The following CEP112 variants were observed in gnomAD, a reference collection of about 807,000 sequenced individuals.
CEP112 encodes the protein centrosomal protein of 112 kDa.
In CEP112, 127 loss-of-function variants were observed where a neutral mutation model predicts 153.0. The ratio of observed to expected loss-of-function variants is 0.83; its 90% CI spans 0.72 to 0.96. CEP112 has a LOEUF of 0.96. Among genes scored for constraint, CEP112 ranks in the 40% least tolerant of loss-of-function variants. CEP112 has a pLI of 0.00. For synonymous variants in CEP112, 358 were observed against 374.4 expected (o/e 0.96, Z 0.51); for missense variants, 1,089 against 1,101.2 (o/e 0.99, Z 0.16).
chr17:65,934,929 C>A (rs376445718), intron 18 of CEP112, among the ~76,000 whole-genome samples: 2 of 152,172 alleles, frequency 1.3e-5, no homozygotes, highest in African/African-American at 2.4e-5. Context: ...CACAGGGCAA[C>A]AGGACAGAGT....
chr17:65,955,731 C>T (rs1001781912), intron 18 of CEP112, among the ~76,000 whole-genome samples: 1 of 152,114 alleles, frequency 6.6e-6, no homozygotes, highest in Non-Finnish European at 1.5e-5. Context: ...AACTTTAAAG[C>T]AACTGCAGTT....
intron 21 of CEP112, among the ~76,000 whole-genome samples, chr17:65,800,965 G>T (rs1409163056): frequency 6.6e-6 from 1 of 152,088 alleles, no homozygotes; most frequent in Non-Finnish European, 1.5e-5. Flanking sequence ...GTTGTATTAT[G>T]TCTTTTTGTT....
chr17:66,110,965 T>C (rs1342555798), intron 6 of CEP112, among the ~76,000 whole-genome samples: 1 of 152,094 alleles, frequency 6.6e-6, no homozygotes, highest in Non-Finnish European at 1.5e-5. Flanking sequence ...TGCATCTGAC[T>C]AGGGTCTAAT....
intron 23 of CEP112, among the ~76,000 whole-genome samples, chr17:65,739,065 A>G (rs554599129): frequency 6.6e-6 from 1 of 152,284 alleles, no homozygotes; most frequent in Non-Finnish European, 1.5e-5. Context: ...CCTTTTAATT[A>G]TTTCTCTTTG....
intron 21 of CEP112, among the ~76,000 whole-genome samples, chr17:65,834,749 G>A (rs2057233120): frequency 6.6e-6 from 1 of 152,180 alleles, no homozygotes; most frequent in Non-Finnish European, 1.5e-5. Context: ...CTGTCTGTGG[G>A]AGTGTAAATT....
chr17:66,187,641 C>T (rs944083396), intron 1 of CEP112, among the ~76,000 whole-genome samples: 1 of 152,194 alleles, frequency 6.6e-6, no homozygotes. Context: ...AGTGCTCTTT[C>T]CTTAGTCTCC....
intron 17 of CEP112, among the ~76,000 whole-genome samples, chr17:65,989,745 G>A (rs556192062): frequency 1.8e-4 from 27 of 152,262 alleles, no homozygotes; most frequent in African/African-American, 5.3e-4. Flanking sequence ...TAACTGTGCT[G>A]TGCAATTCAC....
intron 5 of CEP112, among the ~76,000 whole-genome samples, chr17:66,131,831 A>G (rs987890439): frequency 1.3e-5 from 2 of 152,244 alleles, no homozygotes; most frequent in Non-Finnish European, 1.5e-5. Context: ...AGCCAGAGTT[A>G]GGCAATAAAG....
chr17:65,745,092 C>G (rs180994509), intron 22 of CEP112, among the ~76,000 whole-genome samples: 92 of 152,260 alleles, frequency 6.0e-4, no homozygotes, highest in Admixed American at 3.2e-3. Context: ...CTAGTTGTTA[C>G]TACTGACATA....
intron 18 of CEP112, among the ~76,000 whole-genome samples, chr17:65,943,463 C>T (rs2061561739): frequency 6.6e-6 from 1 of 152,200 alleles, no homozygotes; most frequent in African/African-American, 2.4e-5. Context: ...TTCTCCTTCA[C>T]TTATGAAGCT....
At chr17:66,022,099 C>T (rs1297228250) in intron 16 of CEP112, among the ~76,000 whole-genome samples, 1 of 152,114 alleles carries the variant, frequency 6.6e-6, no homozygotes, top group East Asian at 1.9e-4. Context: ...GCTTACCTTC[C>T]AGGTACACCA....
At chr17:65,865,179 T>C (rs1705399565) in intron 20 of CEP112, among the ~76,000 whole-genome samples, 1 of 151,938 alleles carries the variant, frequency 6.6e-6, no homozygotes, top group Non-Finnish European at 1.5e-5. Context: ...GTAGCTGAGA[T>C]CACAGGTGCA....
intron 3 of CEP112, chr17:66,176,555 AAAAGT>A (rs1364647723): frequency 2.4e-5 from 6 of 247,658 alleles, no homozygotes; most frequent in African/African-American, 1.1e-4. Flanking sequence ...AAAATTAGCA[AAAAGT>A]AAAGCTCAAT....
intron 23 of CEP112, among the ~76,000 whole-genome samples, chr17:65,712,061 G>A (rs765970605): frequency 3.3e-5 from 5 of 152,090 alleles, no homozygotes; most frequent in Non-Finnish European, 5.9e-5. Flanking sequence ...CGACTGCTGC[G>A]AGTGCTGCAT....
intron 1 of CEP112, among the ~76,000 whole-genome samples, chr17:66,189,734 A>C (rs1013514656): frequency 3.3e-5 from 5 of 152,186 alleles, no homozygotes; most frequent in African/African-American, 1.2e-4. Context: ...ATTGCTATAC[A>C]AATTACATCT....
intron 21 of CEP112, among the ~76,000 whole-genome samples, chr17:65,755,771 A>G (rs570753097): frequency 1.8e-4 from 27 of 152,126 alleles, no homozygotes; most frequent in African/African-American, 6.5e-4. Context: ...ACATGGGAAA[A>G]GTTACAGGTG....
chr17:65,857,582 T>C (rs2058168372), intron 20 of CEP112, among the ~76,000 whole-genome samples: 1 of 152,226 alleles, frequency 6.6e-6, no homozygotes, highest in African/African-American at 2.4e-5. Context: ...AATTATATTA[T>C]AGGTTATTTT....
intron 24 of CEP112, among the ~76,000 whole-genome samples, chr17:65,642,516 T>C (rs2045199193): frequency 6.6e-6 from 1 of 152,244 alleles, no homozygotes; most frequent in South Asian, 2.1e-4. Context: ...TTTGGCAAAG[T>C]GCTTTTTTTG....
At chr17:66,097,757 T>A (rs565532067) in intron 6 of CEP112, among the ~76,000 whole-genome samples, 2 of 152,318 alleles carry the variant, frequency 1.3e-5, no homozygotes, top group Admixed American at 1.3e-4. Flanking sequence ...GAATATACTA[T>A]ATGATAAAGT....
Sources: gnomAD v4.1 joint callset for allele counts (sites outside exome capture counted in the v4.1 genomes callset) on GRCh38, gnomAD v4.1.1 for gene constraint, MANE v1.5 for transcripts, NCBI Gene and HGNC (gene_info 2026-07-23, HGNC 2026-07-21) for gene names.